BDH2: variants seen among roughly 807,000 people sequenced by gnomAD.
BDH2 encodes 3-hydroxybutyrate dehydrogenase 2, also known as dehydrogenase/reductase SDR family member 6.
In BDH2, 24 loss-of-function variants were observed where a neutral mutation model predicts 33.2. That is an observed-to-expected ratio of 0.72 (90% CI 0.52 to 1.02). BDH2 has a LOEUF of 1.02. BDH2 is among the 50% of genes least tolerant of loss of function. The pLI is 0.00. For synonymous variants in BDH2, 81 were observed against 101.6 expected, an observed-to-expected ratio of 0.80 and a Z score of 1.22; for missense variants, 249 against 301.6, an observed-to-expected ratio of 0.83 and a Z score of 1.29.
chr4:103,095,332 G>A, intron 2 of BDH2, 51 bp from the exon 3 acceptor site: 2 of 1,352,950 alleles, frequency 1.5e-6, no homozygotes, highest in Non-Finnish European at 2.1e-6. Flanking sequence ...AATAAACTGT[G>A]CTCATGAATG....
intron 4 of BDH2, chr4:103,091,736 C>A: frequency 2.2e-6 from 1 of 455,856 alleles, no homozygotes. Context: ...CCAAGACAAA[C>A]CCTGTTTCAG....
At chr4:103,086,218 G>A (rs771599819) in intron 6 of BDH2, 186 of 1,232,666 alleles carry the variant, frequency 1.5e-4, no homozygotes, top group Admixed American at 5.5e-4. Context: ...CTTTCTCCCA[G>A]TTTGATGTTC....
chr4:103,086,235 A>G (rs1360405479), intron 6 of BDH2: 4 of 1,257,458 alleles, frequency 3.2e-6, no homozygotes, highest in Non-Finnish European at 4.0e-6. Context: ...GTTCATTTCC[A>G]TGTCCATTAG....
intron 4 of BDH2, 129 bp downstream of exon 4, chr4:103,092,471 C>A: frequency 3.0e-6 from 2 of 668,366 alleles, no homozygotes; most frequent in Non-Finnish European, 5.2e-6. Flanking sequence ...TGTGTAAAAT[C>A]TAGCCATATT....
At chr4:103,096,703 G>T (rs1345130625) in intron 1 of BDH2, among the ~76,000 whole-genome samples, 2 of 152,108 alleles carry the variant, frequency 1.3e-5, no homozygotes, top group East Asian at 3.9e-4. Context: ...ACCACGCCCA[G>T]CCAATTTCTG....
At chr4:103,083,144 G>A (rs968805450) in intron 7 of BDH2, among the ~76,000 whole-genome samples, 2 of 152,062 alleles carry the variant, frequency 1.3e-5, no homozygotes, top group Non-Finnish European at 2.9e-5. Context: ...ATGATTCTTC[G>A]TGACACTATG....
intron 8 of BDH2, 60 bp downstream of exon 8, chr4:103,082,811 G>A: frequency 1.4e-6 from 2 of 1,400,094 alleles, no homozygotes; most frequent in Non-Finnish European, 2.0e-6. Context: ...GTCTGCTATA[G>A]GTATGGAAGA....
At chr4:103,087,742 A>T (rs1747865737) in intron 5 of BDH2, among the ~76,000 whole-genome samples, 1 of 152,214 alleles carries the variant, frequency 6.6e-6, no homozygotes, top group Non-Finnish European at 1.5e-5. Context: ...TAAATATATA[A>T]TAAAGAAAAC....
chr4:103,096,531 A>ATTTTTTTT (rs70941651), intron 1 of BDH2, among the ~76,000 whole-genome samples: 1 of 114,240 alleles, frequency 8.8e-6, no homozygotes, highest in Non-Finnish European at 1.8e-5. Context: ...GACATTGGCC[A>ATTTTTTTT]TTTTTTTTTT....
intron 6 of BDH2, chr4:103,086,111 T>A: frequency 1.8e-6 from 2 of 1,098,528 alleles, no homozygotes; most frequent in African/African-American, 3.3e-5. Flanking sequence ...TGATGTTTGC[T>A]GCCTTGCTCC....
Position 103,096,169 on chromosome 4 carries a change from A to G in BDH2, c.72+14T>C. 1 of 1,597,662 alleles carries G rather than the reference A, an allele frequency of 6.3e-7. No homozygotes were observed. Among genetic ancestry groups the G allele is most frequent in the Non-Finnish European group, 8.6e-7 (1 of 1,166,386 alleles). ...TTAGTAGGCAAACAACAAAGATAGT[A>G]ACTTATAACTTACTAAGGCAGCTGC... On this transcript the variant is annotated intron_variant, in intron 2 of 9. Transcript: ENST00000296424.
intron 4 of BDH2, 68 bp from the exon 5 acceptor site, chr4:103,091,353 T>C: frequency 9.8e-7 from 1 of 1,022,116 alleles, no homozygotes; most frequent in Non-Finnish European, 1.5e-6. Context: ...CTGCTGATTA[T>C]TTTTATTGTC....
At chr4:103,090,499 G>T (rs558038967) in intron 5 of BDH2, among the ~76,000 whole-genome samples, 1 of 152,188 alleles carries the variant, frequency 6.6e-6, no homozygotes, top group African/African-American at 2.4e-5. Context: ...CATCCCTCTT[G>T]AGAGTGTGAG....
intron 1 of BDH2, 25 bp from the exon 2 acceptor site, chr4:103,096,299 T>G (rs369245314): frequency 2.5e-5 from 36 of 1,445,860 alleles, no homozygotes; most frequent in Non-Finnish European, 1.1e-5. Context: ...GTTTAATGGG[T>G]TATACTGTAG....
rs1747376203 is a variant in BDH2, at chr4:103,078,887, A to AT, written c.*814dup. On this transcript the variant is annotated 3_prime_UTR_variant, in exon 10 of 10. Transcript: ENST00000296424. ...CCTCCTGCCTTAGCCTCTGTTAACC[A>AT]TGCTGGTCCTGAACTCCTGGCCGCA... 6.6e-6 allele frequency among the ~76,000 whole-genome samples: 1 copy of AT among 152,042 alleles called. No individual in the cohort carries two copies. Among genetic ancestry groups the AT allele is most frequent in the African/African-American group, 2.4e-5 (1 of 41,396 alleles).
At chr4:103,098,538 G>C (rs539616030) in intron 1 of BDH2, 1 of 152,228 alleles carries the variant, frequency 6.6e-6, no homozygotes, top group Non-Finnish European at 1.5e-5. Context: ...TCTCGGGGCC[G>C]TTACAAGCCA....
chr4:103,079,829 G>A, intron 9 of BDH2, 74 bp from the exon 10 acceptor site: 1 of 1,388,494 alleles, frequency 7.2e-7, no homozygotes, highest in East Asian at 2.3e-5. Flanking sequence ...ATTTTCCTGT[G>A]ACTAGGATAA....
intron 7 of BDH2, among the ~76,000 whole-genome samples, chr4:103,085,015 G>A (rs1428253923): frequency 1.3e-5 from 2 of 152,078 alleles, no homozygotes; most frequent in Non-Finnish European, 2.9e-5. Context: ...GATACCTTAA[G>A]TTCCTTTTAG....
chr4:103,095,095 C>T lies in BDH2; in HGVS notation c.151+108G>A, dbSNP rs978328096. Reference sequence around the variant, plus strand: ...TATCAGAGAGAGAATCTAAAAAGCACGGCAGTGGAGCTCAGTAGCTAGGGA... The same window carrying T: ...TATCAGAGAGAGAATCTAAAAAGCATGGCAGTGGAGCTCAGTAGCTAGGGA... On this transcript the variant is annotated intron_variant, in intron 3 of 9. Transcript: ENST00000296424. The T allele has an allele frequency of 2.7e-5, 21 of 785,634 alleles. 1 individual carries two copies. In the East Asian group the frequency reaches 2.8e-4, roughly 11 times the overall value. The allele number at this position is 785,634 out of a possible 1,614,324, so 48.7% of individuals were successfully genotyped here.
Sources: gnomAD v4.1 joint callset for allele counts (sites outside exome capture counted in the v4.1 genomes callset) on GRCh38, gnomAD v4.1.1 for gene constraint, MANE v1.5 for transcripts, NCBI Gene and HGNC (gene_info 2026-07-23, HGNC 2026-07-21) for gene names.